SUPT3H: variants seen among roughly 807,000 people sequenced by gnomAD.
SUPT3H encodes SPT3 homolog, SAGA and STAGA complex component.
Under a neutral mutation model 44.3 loss-of-function variants are expected in SUPT3H, and 44 were observed. That is an observed-to-expected ratio of 0.99 (90% CI 0.78 to 1.28). SUPT3H has a LOEUF of 1.28. SUPT3H is among the 50% of genes most tolerant of loss of function. The pLI, the probability that SUPT3H is intolerant of heterozygous loss-of-function variation, is 0.00. For synonymous variants in SUPT3H, 124 were observed against 125.6 expected (o/e 0.99, Z 0.09); for missense variants, 380 against 387.1 (o/e 0.98, Z 0.15).
At chr6:45,274,649 G>A (rs763765851) in intron 2 of SUPT3H, among the ~76,000 whole-genome samples, 2 of 152,210 alleles carry the variant, frequency 1.3e-5, no homozygotes, top group Non-Finnish European at 2.9e-5. Flanking sequence ...GGGAGGCTGA[G>A]GCAGGTGGAT....
chr6:45,353,885 C>G (rs1284192364), intron 2 of SUPT3H, among the ~76,000 whole-genome samples: 1 of 149,438 alleles, frequency 6.7e-6, no homozygotes, highest in African/African-American at 2.5e-5. Flanking sequence ...AAGGTCAGTG[C>G]CTTTAGTATA....
At chr6:45,375,341 G>T (rs1295243148) in intron 1 of SUPT3H, among the ~76,000 whole-genome samples, 1 of 152,046 alleles carries the variant, frequency 6.6e-6, no homozygotes, top group Non-Finnish European at 1.5e-5. Context: ...TAGTGAAAGG[G>T]GTTCTATTAA....
At chr6:44,855,375 A>T (rs1221575189) in intron 10 of SUPT3H, among the ~76,000 whole-genome samples, 1 of 152,162 alleles carries the variant, frequency 6.6e-6, no homozygotes, top group Non-Finnish European at 1.5e-5. Flanking sequence ...TCCTGGCTCT[A>T]GTGTGCTCAG....
At chr6:44,962,406 A>G (rs964724059) in intron 6 of SUPT3H, among the ~76,000 whole-genome samples, 1 of 152,168 alleles carries the variant, frequency 6.6e-6, no homozygotes, top group African/African-American at 2.4e-5. Flanking sequence ...GCAGATGTTT[A>G]CTGCTTCACT....
In SUPT3H at chr6:44,900,936, C is replaced by T. The variant is rs55806924; in HGVS notation, c.912+31717G>A. Among the ~76,000 whole-genome samples, 597 of 152,220 alleles carry T rather than the reference C, an allele frequency of 3.9e-3. 7 individuals carry two copies. The highest frequency in any genetic ancestry group is 0.014 in the African/African-American group (567 of 41,538). On this transcript the variant is annotated intron_variant, in intron 10 of 10. Transcript: ENST00000371459. ...GGGTCTGGAGTGGACCTCCAGCAAACGCCAACAGACCTGCAGATGAGGGTC... is the reference window on the plus strand; with the variant it reads ...GGGTCTGGAGTGGACCTCCAGCAAATGCCAACAGACCTGCAGATGAGGGTC...
intron 10 of SUPT3H, among the ~76,000 whole-genome samples, chr6:44,918,344 T>C (rs1315246880): frequency 6.6e-6 from 1 of 152,188 alleles, no homozygotes; most frequent in East Asian, 1.9e-4. Flanking sequence ...ACATCAGATT[T>C]ATAGTTCAAG....
At chr6:45,009,956 T>C (rs1401955451) in intron 5 of SUPT3H, among the ~76,000 whole-genome samples, 1 of 147,462 alleles carries the variant, frequency 6.8e-6, no homozygotes, top group Non-Finnish European at 1.5e-5. Flanking sequence ...TTAATAATAC[T>C]GAATGTTCCA....
At chr6:45,111,832 TAA>T (rs953495799) in intron 2 of SUPT3H, among the ~76,000 whole-genome samples, 1 of 151,760 alleles carries the variant, frequency 6.6e-6, no homozygotes, top group African/African-American at 2.4e-5. Flanking sequence ...AGCACCAAAC[TAA>T]ATGACCAGCC....
At chr6:45,045,933 A>G (rs974953519) in intron 3 of SUPT3H, among the ~76,000 whole-genome samples, 1 of 152,096 alleles carries the variant, frequency 6.6e-6, no homozygotes, top group Non-Finnish European at 1.5e-5. Flanking sequence ...TCAATGTATC[A>G]CTTTTTCTTT....
intron 9 of SUPT3H, among the ~76,000 whole-genome samples, chr6:44,951,610 C>T (rs1713827505): frequency 6.6e-6 from 1 of 152,120 alleles, no homozygotes; most frequent in Admixed American, 6.5e-5. Context: ...CTCATGCTCC[C>T]ACCTCCCAGA....
chr6:45,202,947 T>C (rs987159357), intron 2 of SUPT3H, among the ~76,000 whole-genome samples: 4 of 151,990 alleles, frequency 2.6e-5, no homozygotes, highest in Non-Finnish European at 5.9e-5. Flanking sequence ...TAGAGATCAA[T>C]TACAGAGCAG....
At chr6:45,000,599 T>C (rs1464079324) in intron 6 of SUPT3H, among the ~76,000 whole-genome samples, 4 of 152,074 alleles carry the variant, frequency 2.6e-5, no homozygotes, top group Non-Finnish European at 5.9e-5. Flanking sequence ...TTTTCAAATC[T>C]ATGGTCAGTT....
At chr6:45,356,420 C>T (rs1234804888) in intron 2 of SUPT3H, among the ~76,000 whole-genome samples, 1 of 151,376 alleles carries the variant, frequency 6.6e-6, no homozygotes, top group African/African-American at 2.4e-5. Flanking sequence ...TTTTTTGAGA[C>T]AGAGTCTCAC....
intron 10 of SUPT3H, among the ~76,000 whole-genome samples, chr6:44,919,939 C>T (rs1375812918): frequency 2.6e-5 from 4 of 152,016 alleles, no homozygotes; most frequent in African/African-American, 4.8e-5. Flanking sequence ...AGTGCAGTGG[C>T]GTGATCTCAG....
At chr6:44,901,016 A>G (rs1429688864) in intron 10 of SUPT3H, among the ~76,000 whole-genome samples, 1 of 152,206 alleles carries the variant, frequency 6.6e-6, no homozygotes, top group African/African-American at 2.4e-5. Context: ...CCAAAACCCC[A>G]TCTATACGTG....
At chr6:45,018,629 G>A (rs1784659733) in intron 4 of SUPT3H, among the ~76,000 whole-genome samples, 1 of 151,836 alleles carries the variant, frequency 6.6e-6, no homozygotes, top group Non-Finnish European at 1.5e-5. Flanking sequence ...CTTTGGCTCT[G>A]TTTATATGCT....
At chr6:44,813,136 A>G (rs1766648835) in intron 11 of SUPT3H, among the ~76,000 whole-genome samples, 1 of 152,154 alleles carries the variant, frequency 6.6e-6, no homozygotes, top group Non-Finnish European at 1.5e-5. Flanking sequence ...CCTTGATCCA[A>G]CTGTACCCCA....
intron 10 of SUPT3H, among the ~76,000 whole-genome samples, chr6:44,917,445 A>G (rs1767990072): frequency 6.6e-6 from 1 of 152,364 alleles, no homozygotes; most frequent in Non-Finnish European, 1.5e-5. Flanking sequence ...TTAAAAGTCA[A>G]ACTGACATAT....
At chr6:45,039,600 T>C (rs1396168524) in intron 3 of SUPT3H, among the ~76,000 whole-genome samples, 1 of 151,958 alleles carries the variant, frequency 6.6e-6, no homozygotes, top group Non-Finnish European at 1.5e-5. Flanking sequence ...GCCAACACGG[T>C]GAAACCCTGT....
Sources: allele counts gnomAD v4.1 joint callset (sites outside exome capture counted in the v4.1 genomes callset), GRCh38; gene constraint gnomAD v4.1.1; transcripts MANE v1.5; gene names NCBI Gene and HGNC (gene_info 2026-07-23, HGNC 2026-07-21).